MBOAT2: variants seen among roughly 807,000 people sequenced by gnomAD.
MBOAT2 encodes membrane-bound glycerophospholipid O-acyltransferase 2.
A neutral mutation model predicts 63.4 loss-of-function variants in MBOAT2; 28 were observed. That is an observed-to-expected ratio of 0.44 (90% CI 0.33 to 0.61). The LOEUF (loss-of-function observed/expected upper bound fraction) is 0.61, where lower values mean the gene tolerates loss of function less well. Ranked by LOEUF, MBOAT2 falls within the 20% of genes least tolerant of loss-of-function variation. The pLI, the probability that MBOAT2 is intolerant of heterozygous loss-of-function variation, is 0.03. For synonymous variants in MBOAT2, 211 were observed against 215.6 expected (o/e 0.98, Z 0.19); for missense variants, 470 against 605.8 (o/e 0.78, Z 2.35).
At chr2:8,866,158 T>A (rs1661877996) in intron 9 of MBOAT2, among the ~76,000 whole-genome samples, 1 of 152,196 alleles carries the variant, frequency 6.6e-6, no homozygotes, top group Non-Finnish European at 1.5e-5. Flanking sequence ...AAAAATTAAC[T>A]CCTTTCTTTA....
At chr2:8,909,088 T>C (rs537298876) in intron 3 of MBOAT2, among the ~76,000 whole-genome samples, 1 of 152,304 alleles carries the variant, frequency 6.6e-6, no homozygotes, top group South Asian at 2.1e-4. Flanking sequence ...ATTCAACAAA[T>C]TCTTAATAGA....
At chr2:8,865,501 G>T (rs944835641) in intron 9 of MBOAT2, among the ~76,000 whole-genome samples, 1 of 151,984 alleles carries the variant, frequency 6.6e-6, no homozygotes, top group Admixed American at 6.6e-5. Flanking sequence ...TCAATCAATA[G>T]GTCTCTCTCC....
rs1669385893 is a variant in MBOAT2, at chr2:8,958,505, GC to G, written c.212del (p.Cys71SerfsTer20). 3 of 1,589,690 alleles carry G rather than the reference GC, an allele frequency of 1.9e-6. No individual in the cohort carries two copies. The Admixed American group carries it at 5.7e-5, about 30-fold the overall frequency. ...TLLGLYLALF[C>X]FGWYALHFLV... ...TCAAAATAATTACTTACCATCCAAA[GC>G]AAAAAAGTGCAAGATAAAGGCCCAA... On this transcript the variant is annotated frameshift_variant, in exon 2 of 13. Transcript: ENST00000305997. LOFTEE classifies it high-confidence loss of function.
intron 3 of MBOAT2, among the ~76,000 whole-genome samples, chr2:8,918,766 A>G (rs1248272706): frequency 6.6e-6 from 1 of 152,226 alleles, no homozygotes; most frequent in Non-Finnish European, 1.5e-5. Context: ...TTTATTAAAC[A>G]GCTTTATTGA....
At chr2:8,974,555 T>C (rs1224445542) in intron 1 of MBOAT2, 1 of 377,376 alleles carries the variant, frequency 2.6e-6, no homozygotes, top group Non-Finnish European at 5.4e-6. Flanking sequence ...TTCCAAGAGG[T>C]AACAGACGTC....
intron 2 of MBOAT2, among the ~76,000 whole-genome samples, chr2:8,944,648 G>GACACACACACACACACAC (rs61107364): frequency 2.1e-5 from 3 of 140,216 alleles, no homozygotes; most frequent in African/African-American, 7.7e-5. Flanking sequence ...CTGTTTGACT[G>GACACACACACACACACAC]ACACACACAC....
chr2:9,002,135 TAAAG>T (rs1672733891), intron 1 of MBOAT2, among the ~76,000 whole-genome samples: 1 of 152,148 alleles, frequency 6.6e-6, no homozygotes, highest in Non-Finnish European at 1.5e-5. Flanking sequence ...AATTTATTAA[TAAAG>T]AGAGAAGAAT....
intron 2 of MBOAT2, among the ~76,000 whole-genome samples, chr2:8,945,453 C>G (rs144688288): frequency 6.6e-6 from 1 of 151,886 alleles, no homozygotes; most frequent in Non-Finnish European, 1.5e-5. Context: ...TTATCTAGCA[C>G]GTAGTAAGCA....
intron 8 of MBOAT2, among the ~76,000 whole-genome samples, chr2:8,871,025 C>T (rs535785059): frequency 7.2e-5 from 11 of 151,900 alleles, no homozygotes; most frequent in Admixed American, 5.2e-4. Flanking sequence ...GGCAGGGTCT[C>T]ACTCTGTTAC....
At chr2:8,987,774 A>C (rs1456646199) in intron 1 of MBOAT2, among the ~76,000 whole-genome samples, 3 of 152,280 alleles carry the variant, frequency 2.0e-5, no homozygotes, top group South Asian at 4.1e-4. Context: ...GCGTTACAAA[A>C]ATTTTATGTT....
At position 9,003,414 on chromosome 2, in the gene MBOAT2, C is replaced by G; in HGVS notation, c.75+126G>C. ...TTGCCCCCTCCCTTCCAGGGAGCGG[C>G]GGGTAGGGGGGCACCGGGCGCCCGG... On this transcript the variant is annotated intron_variant, in intron 1 of 12. Coordinates refer to ENST00000305997, the MANE Select transcript of MBOAT2 (RefSeq NM_138799.4). This position sits in a 1 kb window ranked among gnomAD's most constrained non-coding sequence, Gnocchi z 5.4. The G allele has an allele frequency of 2.4e-6, 1 of 410,208 alleles. No homozygotes were observed. Among genetic ancestry groups the G allele is most frequent in the Non-Finnish European group, 3.7e-6 (1 of 270,906 alleles). 25.4% of individuals were successfully genotyped at this position (410,208 alleles called of 1,614,324 possible). A position where few individuals can be genotyped will look rare whatever the true frequency, so the allele number is the denominator to read the frequency against.
chr2:8,855,972 G>A lies in MBOAT2; in HGVS notation c.*2707C>T, dbSNP rs1361085248. 2 of 151,898 alleles carry A rather than the reference G, an allele frequency of 1.3e-5. No individual in the cohort carries two copies. Among genetic ancestry groups the A allele is most frequent in the East Asian group, 1.9e-4 (1 of 5,188 alleles). The allele number at this position is 151,898 out of a possible 1,614,324, so 9.4% of individuals were successfully genotyped here. Reference sequence around the variant, plus strand: ...CCCTTTCTATTTAACAGGAGTAGACGTACCAGTTTAAAATTCTTCTACTGT... The same window carrying A: ...CCCTTTCTATTTAACAGGAGTAGACATACCAGTTTAAAATTCTTCTACTGT... On this transcript the variant is annotated 3_prime_UTR_variant, in exon 13 of 13. Coordinates refer to ENST00000305997, the MANE Select transcript of MBOAT2 (RefSeq NM_138799.4).
intron 3 of MBOAT2, among the ~76,000 whole-genome samples, chr2:8,939,688 C>G (rs2103227866): frequency 6.6e-6 from 1 of 152,270 alleles, no homozygotes; most frequent in South Asian, 2.1e-4. Context: ...GCAGGGAGGT[C>G]ATCTGAGGTC....
At chr2:8,926,357 C>T (rs1666932112) in intron 3 of MBOAT2, among the ~76,000 whole-genome samples, 1 of 152,048 alleles carries the variant, frequency 6.6e-6, no homozygotes, top group Non-Finnish European at 1.5e-5. Flanking sequence ...GTGAAGTATA[C>T]AAGATGTACA....
At chr2:8,978,947 G>A (rs555957481) in intron 1 of MBOAT2, among the ~76,000 whole-genome samples, 21 of 152,032 alleles carry the variant, frequency 1.4e-4, no homozygotes, top group African/African-American at 4.6e-4. Context: ...TCATGTGTGA[G>A]ATGTGCTTTC....
At chr2:8,992,493 G>T (rs1333033093) in intron 1 of MBOAT2, among the ~76,000 whole-genome samples, 1 of 152,152 alleles carries the variant, frequency 6.6e-6, no homozygotes, top group Admixed American at 6.5e-5. Flanking sequence ...TGTATATATT[G>T]TAGTTTTAGC....
At chr2:8,874,846 T>C (rs1373133509) in intron 7 of MBOAT2, among the ~76,000 whole-genome samples, 2 of 152,184 alleles carry the variant, frequency 1.3e-5, no homozygotes, top group African/African-American at 4.8e-5. Flanking sequence ...TGACACATCA[T>C]AGCCTTTGGT....
At chr2:8,920,001 A>C (rs1172465227) in intron 3 of MBOAT2, among the ~76,000 whole-genome samples, 1 of 152,106 alleles carries the variant, frequency 6.6e-6, no homozygotes, top group African/African-American at 2.4e-5. Context: ...CCTGGCCTCA[A>C]GCAATCCTCT....
At chr2:8,921,551 C>A (rs1047829681) in intron 3 of MBOAT2, among the ~76,000 whole-genome samples, 1 of 152,164 alleles carries the variant, frequency 6.6e-6, no homozygotes, top group African/African-American at 2.4e-5. Flanking sequence ...CTCATTCCTT[C>A]CTATGGACTT....
Sources: allele counts gnomAD v4.1 joint callset (sites outside exome capture counted in the v4.1 genomes callset), GRCh38; gene constraint gnomAD v4.1.1; non-coding constraint Gnocchi (gnomAD v3.1); transcripts MANE v1.5; gene names NCBI Gene and HGNC (gene_info 2026-07-23, HGNC 2026-07-21).